The following CADM2 variants were observed in gnomAD, a reference collection of about 807,000 sequenced individuals.
CADM2 encodes immunoglobulin superfamily member 4D.
Under a neutral mutation model 49.8 loss-of-function variants are expected in CADM2, and 12 were observed. That is an observed-to-expected ratio of 0.24 (90% CI 0.15 to 0.39). The LOEUF is 0.39. Ranked by LOEUF, CADM2 falls within the 10% of genes least tolerant of loss-of-function variation. The pLI, the probability that CADM2 is intolerant of heterozygous loss-of-function variation, is 1.00. For missense variants in CADM2, 378 were observed against 492.3 expected (o/e 0.77, Z 2.20); for synonymous variants, 214 against 175.4 (o/e 1.22, Z -1.74).
chr3:85,584,019 T>C (rs1298179599), intron 1 of CADM2, among the ~76,000 whole-genome samples: 2 of 152,036 alleles, frequency 1.3e-5, no homozygotes, highest in Admixed American at 6.6e-5. Flanking sequence ...AAAATTACTT[T>C]CTACCCTTTA....
intron 1 of CADM2, among the ~76,000 whole-genome samples, chr3:85,579,679 A>C (rs1251661989): frequency 6.6e-6 from 1 of 152,136 alleles, no homozygotes; most frequent in Non-Finnish European, 1.5e-5. Context: ...ATAATATAAA[A>C]AGTAAGTGCC....
At chr3:85,820,225 T>C (rs949316241) in intron 3 of CADM2, among the ~76,000 whole-genome samples, 2 of 152,102 alleles carry the variant, frequency 1.3e-5, no homozygotes, top group Non-Finnish European at 2.9e-5. Context: ...TTGTCAGCCA[T>C]AGAATAATTC....
intron 3 of CADM2, among the ~76,000 whole-genome samples, chr3:85,857,590 A>G (rs892229651): frequency 2.0e-5 from 3 of 151,954 alleles, no homozygotes; most frequent in African/African-American, 7.2e-5. Flanking sequence ...TGATCCTCCC[A>G]CCTCAGCCTC....
intron 3 of CADM2, among the ~76,000 whole-genome samples, chr3:85,815,054 C>A (rs1025625723): frequency 6.6e-6 from 1 of 151,984 alleles, no homozygotes; most frequent in African/African-American, 2.4e-5. Context: ...AGGAAGAAGT[C>A]GAATCCCTGA....
At chr3:85,132,175 T>TA (rs1202115290) in intron 1 of CADM2, among the ~76,000 whole-genome samples, 2 of 152,196 alleles carry the variant, frequency 1.3e-5, no homozygotes, top group African/African-American at 4.8e-5. Flanking sequence ...CCTTTTCAGT[T>TA]AAAAAAGGTT....
chr3:84,983,996 C>T (rs1472876155), intron 1 of CADM2, among the ~76,000 whole-genome samples: 1 of 151,446 alleles, frequency 6.6e-6, no homozygotes. Flanking sequence ...AAATCACTTT[C>T]AGACTTTCTA....
At chr3:85,008,066 A>G (rs1301506214) in intron 1 of CADM2, among the ~76,000 whole-genome samples, 1 of 152,170 alleles carries the variant, frequency 6.6e-6, no homozygotes, top group African/African-American at 2.4e-5. Flanking sequence ...GGCAAGAATC[A>G]ATGCCTCAGA....
intron 1 of CADM2, among the ~76,000 whole-genome samples, chr3:85,168,942 G>A (rs921850198): frequency 6.6e-6 from 1 of 151,262 alleles, no homozygotes; most frequent in Non-Finnish European, 1.5e-5. Flanking sequence ...ATTTAGTAAA[G>A]ATTTATTTAT....
chr3:85,649,863 A>T (rs1164734791), intron 1 of CADM2, among the ~76,000 whole-genome samples: 1 of 152,152 alleles, frequency 6.6e-6, no homozygotes, highest in East Asian at 1.9e-4. Flanking sequence ...GTTGTATCAC[A>T]TTATATGAAG....
chr3:85,094,743 T>C (rs80234396), intron 1 of CADM2, among the ~76,000 whole-genome samples: 1,738 of 152,324 alleles, frequency 0.011, 32 homozygotes, highest in African/African-American at 0.04. Context: ...TTGTACCAAG[T>C]GCATACTTTT....
chr3:85,881,892 G>T (rs979092952), intron 3 of CADM2, among the ~76,000 whole-genome samples: 1 of 152,020 alleles, frequency 6.6e-6, no homozygotes, highest in African/African-American at 2.4e-5. Flanking sequence ...TCTCATAAGG[G>T]GCACGCAACC....
At chr3:85,018,000 T>A (rs1235546393) in intron 1 of CADM2, among the ~76,000 whole-genome samples, 1 of 152,192 alleles carries the variant, frequency 6.6e-6, no homozygotes, top group Non-Finnish European at 1.5e-5. Flanking sequence ...TTTGATTACA[T>A]AACAGACTTG....
intron 6 of CADM2, among the ~76,000 whole-genome samples, chr3:85,924,726 T>C (rs573431526): frequency 6.6e-6 from 1 of 152,338 alleles, no homozygotes; most frequent in Non-Finnish European, 1.5e-5. Flanking sequence ...AACTTTATGA[T>C]AGAGACACAT....
At chr3:85,918,484 T>C (rs954827227) in intron 6 of CADM2, among the ~76,000 whole-genome samples, 1 of 152,206 alleles carries the variant, frequency 6.6e-6, no homozygotes, top group Non-Finnish European at 1.5e-5. Context: ...TGGACCAGCC[T>C]TGCATCTCAG....
At chr3:85,443,448 C>T (rs547632110) in intron 1 of CADM2, among the ~76,000 whole-genome samples, 2 of 152,226 alleles carry the variant, frequency 1.3e-5, no homozygotes, top group Non-Finnish European at 2.9e-5. Context: ...CCGTTAACAG[C>T]CAAACTACTC....
At chr3:85,017,423 G>A (rs1452871924) in intron 1 of CADM2, among the ~76,000 whole-genome samples, 1 of 152,138 alleles carries the variant, frequency 6.6e-6, no homozygotes, top group East Asian at 1.9e-4. Context: ...AGCTAAAACT[G>A]TGATCTGATG....
chr3:85,128,136 C>G (rs1402287393), intron 1 of CADM2, among the ~76,000 whole-genome samples: 2 of 152,036 alleles, frequency 1.3e-5, no homozygotes, highest in African/African-American at 4.8e-5. Flanking sequence ...ATGCAACTGA[C>G]TTTTAGATTA....
chr3:85,422,892 G>A (rs1188216348), intron 1 of CADM2, among the ~76,000 whole-genome samples: 6 of 151,980 alleles, frequency 3.9e-5, no homozygotes, highest in Non-Finnish European at 4.4e-5. Context: ...CCTGTCATCC[G>A]GTAACAGCTT....
intron 1 of CADM2, among the ~76,000 whole-genome samples, chr3:85,515,346 T>C (rs1251323279): frequency 2.6e-5 from 4 of 151,760 alleles, no homozygotes; most frequent in Non-Finnish European, 5.9e-5. Flanking sequence ...CTTTTTTTGA[T>C]GTTAACAAAG....
Sources: allele counts gnomAD v4.1 joint callset (sites outside exome capture counted in the v4.1 genomes callset), GRCh38; gene constraint gnomAD v4.1.1; transcripts MANE v1.5; gene names NCBI Gene and HGNC (gene_info 2026-07-23, HGNC 2026-07-21).